The following HUWE1 variants were observed in gnomAD, a reference collection of about 807,000 sequenced individuals.
HUWE1 encodes the protein HECT, UBA and WWE domain containing E3 ubiquitin protein ligase 1.
HUWE1 carries 18 observed loss-of-function variants against 299.4 expected under a neutral mutation model. That is an observed-to-expected ratio of 0.06 (90% CI 0.04 to 0.09). The LOEUF (loss-of-function observed/expected upper bound fraction) is 0.09, where lower values mean the gene tolerates loss of function less well. Among genes scored for constraint, HUWE1 ranks in the 10% least tolerant of loss-of-function variants. The pLI, the probability that HUWE1 is intolerant of heterozygous loss-of-function variation, is 1.00. For synonymous variants in HUWE1, 1,317 were observed against 1,286.1 expected (o/e 1.02, Z -0.51); for missense variants, 1,832 against 3,462.3 (o/e 0.53, Z 11.82).
chrX:53,681,289 C>T (rs782669261), intron 2 of HUWE1, among the ~76,000 whole-genome samples: 2 of 109,558 alleles, frequency 1.8e-5, no homozygotes, highest in African/African-American at 6.7e-5. Context: ...CAAAAATTAG[C>T]TGGGCATGGT....
chrX:53,674,881 G>C (rs2069737022), intron 3 of HUWE1, among the ~76,000 whole-genome samples: 2 of 111,884 alleles, frequency 1.8e-5, no homozygotes, highest in Non-Finnish European at 3.8e-5. Context: ...AACTGGCTCA[G>C]TGATGAGGTA....
chrX:53,654,225 T>C lies in HUWE1; in HGVS notation c.-24-94A>G, dbSNP rs1354925299. On this transcript the variant is annotated intron_variant, in intron 3 of 83. Transcript: ENST00000262854. ...ACAGACAATACAGAATGAAGAGCAATGCAAAATGCTTAAAGTAAAAACACT... is the reference window on the plus strand; with the variant it reads ...ACAGACAATACAGAATGAAGAGCAACGCAAAATGCTTAAAGTAAAAACACT... The C allele has an allele frequency of 1.4e-5, 8 of 564,436 alleles. No homozygotes were observed. The East Asian group carries it at 2.9e-4, about 21-fold the overall frequency. The allele number at this position is 564,436 out of a possible 1,213,427, so 46.5% of individuals were successfully genotyped here.
At chrX:53,648,678 A>G in intron 4 of HUWE1, among the ~76,000 whole-genome samples, 1 of 106,396 alleles carries the variant, frequency 9.4e-6, no homozygotes, top group Non-Finnish European at 1.9e-5. Context: ...ACAATTAAGG[A>G]ATCTATACCA....
chrX:53,661,000 C>A (rs2068973426), intron 3 of HUWE1, among the ~76,000 whole-genome samples: 2 of 109,917 alleles, frequency 1.8e-5, no homozygotes, highest in Non-Finnish European at 3.8e-5. Flanking sequence ...CCAGGTCTGA[C>A]TACCAAGTCC....
chrX:53,633,234 A>G (rs976152733), intron 8 of HUWE1, among the ~76,000 whole-genome samples: 2 of 112,427 alleles, frequency 1.8e-5, no homozygotes, highest in African/African-American at 6.5e-5. Context: ...TGTCTCACTG[A>G]AAGACACCAC....
At position 53,607,507 on chromosome X, in the gene HUWE1, G is replaced by T. The variant is rs1210977596; in HGVS notation, c.2496+16C>A. On this transcript the variant is annotated intron_variant, in intron 25 of 83. Transcript: ENST00000262854. The stretch of plus-strand genomic sequence containing the variant: ...TTCCAGAAAGAAATGAAAACATTTG[G>T]CCAGATGCTTCTTACCAATATGGAT... 3 of 1,202,346 alleles carry T rather than the reference G, an allele frequency of 2.5e-6. No homozygotes were observed. The highest frequency in any genetic ancestry group is 2.2e-5 in the Admixed American group (1 of 45,734).
intron 70 of HUWE1, among the ~76,000 whole-genome samples, chrX:53,545,385 T>C (rs1332572897): frequency 2.7e-5 from 3 of 111,483 alleles, no homozygotes; most frequent in African/African-American, 9.8e-5. Flanking sequence ...TGAATCTGCA[T>C]GAAATGAGTT....
chrX:53,627,155 A>T (rs1224995655), intron 17 of HUWE1, among the ~76,000 whole-genome samples: 1 of 111,649 alleles, frequency 9.0e-6, no homozygotes, highest in Admixed American at 9.5e-5. Context: ...TGATGAAATA[A>T]AACAGATTAA....
At chrX:53,580,179 C>T (rs2063546040) in intron 43 of HUWE1, among the ~76,000 whole-genome samples, 1 of 110,700 alleles carries the variant, frequency 9.0e-6, no homozygotes, top group African/African-American at 3.3e-5. Context: ...AACTGCAATA[C>T]CATTATAATA....
chrX:53,557,904 T>G (rs2062103195), intron 59 of HUWE1, among the ~76,000 whole-genome samples: 1 of 112,054 alleles, frequency 8.9e-6, no homozygotes, highest in Non-Finnish European at 1.9e-5. Context: ...CCTTGTTATT[T>G]TAACTGAACA....
intron 37 of HUWE1, among the ~76,000 whole-genome samples, chrX:53,587,596 T>G (rs2063923620): frequency 1.8e-5 from 2 of 112,118 alleles, no homozygotes; most frequent in South Asian, 7.5e-4. Flanking sequence ...TGGGGGTCCA[T>G]GAATGATTCT....
intron 66 of HUWE1, among the ~76,000 whole-genome samples, chrX:53,549,816 A>G (rs1246963866): frequency 9.4e-6 from 1 of 106,133 alleles, no homozygotes; most frequent in Non-Finnish European, 1.9e-5. Context: ...CAGTGGCGTG[A>G]TACCGGCTCA....
At chrX:53,602,286 A>G (rs1028162103) in intron 28 of HUWE1, among the ~76,000 whole-genome samples, 7 of 110,102 alleles carry the variant, frequency 6.4e-5, no homozygotes, top group Admixed American at 1.9e-4. Context: ...TATCTAAGAC[A>G]CTGGCAAATG....
intron 29 of HUWE1, among the ~76,000 whole-genome samples, chrX:53,597,272 T>C (rs1310798166): frequency 3.7e-5 from 4 of 108,379 alleles, no homozygotes; most frequent in East Asian, 2.9e-4. Context: ...AAGAACATCA[T>C]TGAGAAAGGG....
chrX:53,682,353 A>C (rs782535415), intron 2 of HUWE1, among the ~76,000 whole-genome samples: 1 of 112,002 alleles, frequency 8.9e-6, no homozygotes, highest in Non-Finnish European at 1.9e-5. Context: ...ACACACTATT[A>C]ATTTCACCAT....
intron 7 of HUWE1, among the ~76,000 whole-genome samples, chrX:53,639,760 C>A (rs2067456470): frequency 9.4e-6 from 1 of 106,549 alleles, no homozygotes; most frequent in South Asian, 3.7e-4. Context: ...AAAAGAATGG[C>A]ATGTAGTTTC....
intron 3 of HUWE1, among the ~76,000 whole-genome samples, chrX:53,662,804 G>A (rs2069070612): frequency 8.9e-6 from 1 of 111,950 alleles, no homozygotes; most frequent in Admixed American, 9.5e-5. Flanking sequence ...GCATTTAAAG[G>A]TAAGGCAAAG....
At chrX:53,615,667 T>A in intron 22 of HUWE1, 77 bp downstream of exon 22, 2 of 750,540 alleles carry the variant, frequency 2.7e-6, no homozygotes, top group Non-Finnish European at 4.1e-6. Flanking sequence ...CCTAATGACC[T>A]CTAGTAGGCC....
rs1556979846 is a variant in HUWE1 at position 53,592,380 on chromosome X, G to A, written c.3972+18C>T. 5.2e-6 allele frequency: 6 copies of A among 1,155,825 alleles called. No individual in the cohort carries two copies. Among genetic ancestry groups the A allele is most frequent in the African/African-American group, 1.8e-5 (1 of 56,799 alleles). ...GGGTGCAAAGTCTGGACCCTGGAGTGTGAGGCCAGTACCCTACCTGTTGCA... is the reference window on the plus strand; with the variant it reads ...GGGTGCAAAGTCTGGACCCTGGAGTATGAGGCCAGTACCCTACCTGTTGCA... On this transcript the variant is annotated intron_variant, in intron 33 of 83. Transcript: ENST00000262854.
Sources: allele counts gnomAD v4.1 joint callset (sites outside exome capture counted in the v4.1 genomes callset), GRCh38; gene constraint gnomAD v4.1.1; transcripts MANE v1.5; gene names NCBI Gene and HGNC (gene_info 2026-07-23, HGNC 2026-07-21).